Variants in MAP3K4 observed in about 807,000 individuals in gnomAD.
MAP3K4 encodes MAP three kinase 1.
A neutral mutation model predicts 185.6 loss-of-function variants in MAP3K4; 67 were observed. That is an observed-to-expected ratio of 0.36 (90% CI 0.30 to 0.44). The LOEUF (loss-of-function observed/expected upper bound fraction) is 0.44. Ranked by LOEUF, MAP3K4 falls within the 20% of genes least tolerant of loss-of-function variation. The pLI, the probability that MAP3K4 is intolerant of heterozygous loss-of-function variation, is 1.00. For synonymous variants in MAP3K4, 702 were observed against 710.4 expected (o/e 0.99, Z 0.19); for missense variants, 1,551 against 1,995.1 (o/e 0.78, Z 4.24).
chr6:161,038,255 C>T (rs1385760950), intron 2 of MAP3K4, among the ~76,000 whole-genome samples: 2 of 152,152 alleles, frequency 1.3e-5, no homozygotes, highest in African/African-American at 2.4e-5. Context: ...TCTGGATGCA[C>T]ACAGGAGGCA....
At chr6:161,035,028 G>A (rs1303821782) in intron 2 of MAP3K4, among the ~76,000 whole-genome samples, 3 of 152,102 alleles carry the variant, frequency 2.0e-5, no homozygotes, top group South Asian at 2.1e-4. Context: ...TATTAGACAC[G>A]GAGAGTTTCG....
chr6:161,034,599 A>G lies in MAP3K4; in HGVS notation c.343+150A>G, dbSNP rs1783078657. On this transcript the variant is annotated intron_variant, in intron 2 of 26. Transcript: ENST00000392142. The surrounding 1 kb of genome is among the most constrained non-coding windows in gnomAD (Gnocchi z 4.4). ...TTTTTTTTGAATTATTACCATTAGT[A>G]TTAATAAAATTGACACATAGTTTTC... 1.1e-5 allele frequency: 7 copies of G among 639,690 alleles called. No homozygotes were observed. The South Asian group carries it at 1.4e-4, about 13-fold the overall frequency. 39.6% of individuals were successfully genotyped at this position (639,690 alleles called of 1,614,324 possible). A position where few individuals can be genotyped will look rare whatever the true frequency, so the allele number is the denominator to read the frequency against.
chr6:161,001,035 TTATAA>T (rs1188629524), intron 1 of MAP3K4, among the ~76,000 whole-genome samples: 2 of 7,382 alleles, frequency 2.7e-4, no homozygotes, highest in East Asian at 2.0e-3. Flanking sequence ...ATATTATATA[TTATAA>T]TATACACATA....
chr6:161,050,058 T>C, intron 3 of MAP3K4, 79 bp downstream of exon 3: 1 of 1,361,512 alleles, frequency 7.3e-7, no homozygotes, highest in Admixed American at 2.3e-5. Context: ...TGGTGTTATG[T>C]ACTTTCATAT....
At chr6:161,065,631 TTTC>T (rs1276029427) in intron 3 of MAP3K4, among the ~76,000 whole-genome samples, 1 of 152,236 alleles carries the variant, frequency 6.6e-6, no homozygotes, top group Non-Finnish European at 1.5e-5. Flanking sequence ...AGACTTCAGC[TTTC>T]TTCGGATTTT....
chr6:161,068,089 C>T (rs569474444), intron 3 of MAP3K4, among the ~76,000 whole-genome samples: 1 of 152,292 alleles, frequency 6.6e-6, no homozygotes, highest in South Asian at 2.1e-4. Flanking sequence ...ACATAAGCAT[C>T]TATTATGTGG....
intron 1 of MAP3K4, among the ~76,000 whole-genome samples, chr6:161,004,762 C>T (rs1160411959): frequency 1.3e-5 from 2 of 152,104 alleles, no homozygotes; most frequent in Admixed American, 6.5e-5. Context: ...AAGAAACTTT[C>T]CTGAAGGAGA....
In MAP3K4 at chr6:160,992,048, G is replaced by A. The variant is rs537306423; in HGVS notation, c.117G>A (p.Glu39=). Residue 39 remains glutamate (E), a synonymous_variant, in exon 1 of 27, where the codon GAG becomes GAA. Coordinates refer to ENST00000392142, the MANE Select transcript of MAP3K4 (RefSeq NM_005922.4). ...PPPPPPPPEP[E]TESEPECCLA... ...CGCCACCACCGCCACCGGAACCCGAGACCGAGTCAGAACCCGAGTGCTGCT... is the reference window on the plus strand; with the variant it reads ...CGCCACCACCGCCACCGGAACCCGAAACCGAGTCAGAACCCGAGTGCTGCT... The A allele has an allele frequency of 1.3e-6, 2 of 1,583,060 alleles. 1 individual carries two copies. Among genetic ancestry groups the A allele is most frequent in the African/African-American group, 2.7e-5 (2 of 72,944 alleles).
At chr6:161,095,675 C>G (rs375547981) in intron 15 of MAP3K4, among the ~76,000 whole-genome samples, 3 of 152,322 alleles carry the variant, frequency 2.0e-5, no homozygotes, top group South Asian at 4.1e-4. Flanking sequence ...ATTGGCCACA[C>G]TGTGGCCGTC....
intron 2 of MAP3K4, among the ~76,000 whole-genome samples, chr6:161,047,550 G>T (rs542677264): frequency 6.6e-6 from 1 of 152,146 alleles, no homozygotes; most frequent in African/African-American, 2.4e-5. Context: ...TATGCCTTGA[G>T]TGTAGAGGGT....
In MAP3K4 at chr6:161,091,802, C is replaced by G. The variant is rs1452748879; in HGVS notation, c.3136-208C>G. Among the ~76,000 whole-genome samples, 1 of 152,140 alleles carries G rather than the reference C, an allele frequency of 6.6e-6. No individual in the cohort carries two copies. Among genetic ancestry groups the G allele is most frequent in the African/African-American group, 2.4e-5 (1 of 41,426 alleles). The stretch of plus-strand genomic sequence containing the variant: ...ATGTTTTATGTCATAAAAGCACATT[C>G]TTAATTTAAACTCAGGAGTAAAACA... On this transcript the variant is annotated intron_variant, in intron 12 of 26. Coordinates refer to ENST00000392142, the MANE Select transcript of MAP3K4 (RefSeq NM_005922.4). The surrounding 1 kb of genome is among the most constrained non-coding windows in gnomAD (Gnocchi z 5.5).
chr6:161,035,515 A>G (rs1783123681), intron 2 of MAP3K4, among the ~76,000 whole-genome samples: 1 of 152,194 alleles, frequency 6.6e-6, no homozygotes, highest in Non-Finnish European at 1.5e-5. Flanking sequence ...GTGAGATGCT[A>G]TACAAGGGAA....
In MAP3K4 at chr6:161,008,802, A is replaced by G. The variant is rs1340322421; in HGVS notation, c.152+16719A>G. Among the ~76,000 whole-genome samples, 1 of 151,958 alleles carries G rather than the reference A, an allele frequency of 6.6e-6. No individual in the cohort carries two copies. The highest frequency in any genetic ancestry group is 1.9e-4 in the East Asian group (1 of 5,172). ...CATTTACTGATATTTTACATCTACT[A>G]CTTTCACTCAGCATGGTGCTTGTGA... On this transcript the variant is annotated intron_variant, in intron 1 of 26. Transcript: ENST00000392142. This position sits in a 1 kb window ranked among gnomAD's most constrained non-coding sequence, Gnocchi z 4.1.
chr6:161,080,081 G>A lies in MAP3K4; in HGVS notation c.2098-800G>A, dbSNP rs1370150094. 2.0e-5 allele frequency among the ~76,000 whole-genome samples: 3 copies of A among 152,238 alleles called. No individual in the cohort carries two copies. Among genetic ancestry groups the A allele is most frequent in the Non-Finnish European group, 2.9e-5 (2 of 68,008 alleles). On this transcript the variant is annotated intron_variant, in intron 5 of 26. Transcript: ENST00000392142. This position sits in a 1 kb window ranked among gnomAD's most constrained non-coding sequence, Gnocchi z 4.8. ...TCAGGTTGGCGACAGACTGCTTCAC[G>A]CTGAGTCACACTCGGGGTTGGAAGG...
chr6:161,089,121 TG>T (rs1785892744), intron 10 of MAP3K4, among the ~76,000 whole-genome samples, 200 bp from the exon 11 acceptor site: 1 of 152,184 alleles, frequency 6.6e-6, no homozygotes, highest in Non-Finnish European at 1.5e-5. Flanking sequence ...TTCTTCTCCG[TG>T]GTGCTGAATA....
At chr6:161,060,807 G>T (rs1187533771) in intron 3 of MAP3K4, among the ~76,000 whole-genome samples, 1 of 151,882 alleles carries the variant, frequency 6.6e-6, no homozygotes, top group Non-Finnish European at 1.5e-5. Context: ...TTTTAGTAGA[G>T]ACGGGTTTAC....
intron 15 of MAP3K4, among the ~76,000 whole-genome samples, chr6:161,095,850 T>C (rs985506140): frequency 6.6e-6 from 1 of 152,228 alleles, no homozygotes; most frequent in South Asian, 2.1e-4. Context: ...AGTTTTGCAG[T>C]GTTACATATA....
At chr6:161,065,934 T>A in intron 3 of MAP3K4, among the ~76,000 whole-genome samples, 2 of 35,876 alleles carry the variant, frequency 5.6e-5, no homozygotes, top group Non-Finnish European at 1.1e-4. Context: ...CAAGACTCCG[T>A]CTCAAAAAAA....
At position 161,067,095 on chromosome 6, in the gene MAP3K4, T is replaced by C. The variant is rs1784745600; in HGVS notation, c.1708-3513T>C. The C allele has an allele frequency of 5.7e-6, 1 of 174,670 alleles. No individual in the cohort carries two copies. The highest frequency in any genetic ancestry group is 6.1e-5 in the Admixed American group (1 of 16,324). The allele number at this position is 174,670 out of a possible 1,614,324, so 10.8% of individuals were successfully genotyped here. On this transcript the variant is annotated intron_variant, in intron 3 of 26. Coordinates refer to ENST00000392142, the MANE Select transcript of MAP3K4 (RefSeq NM_005922.4). The surrounding 1 kb of genome is among the most constrained non-coding windows in gnomAD (Gnocchi z 6.3). The stretch of plus-strand genomic sequence containing the variant: ...CAGGTCTGTTAATTTAGAAAGTTTG[T>C]TTTGCCAAGGTCAAGGATGTGTGCG...
Sources: gnomAD v4.1 joint callset for allele counts (sites outside exome capture counted in the v4.1 genomes callset) on GRCh38, gnomAD v4.1.1 for gene constraint, Gnocchi (gnomAD v3.1) non-coding constraint, MANE v1.5 for transcripts, NCBI Gene and HGNC (gene_info 2026-07-23, HGNC 2026-07-21) for gene names.